The following RBFOX1 variants were observed in gnomAD, a reference collection of about 807,000 sequenced individuals.
The protein encoded by RBFOX1 is RNA binding fox-1 homolog 1.
In RBFOX1, 8 loss-of-function variants were observed where a neutral mutation model predicts 57.7. That is an observed-to-expected ratio of 0.14 (90% CI 0.08 to 0.25). The LOEUF is 0.25. Among genes scored for constraint, RBFOX1 ranks in the 10% least tolerant of loss-of-function variants. RBFOX1 has a pLI of 1.00. For synonymous variants in RBFOX1, 326 were observed against 222.4 expected, an observed-to-expected ratio of 1.47 and a Z score of -4.15; for missense variants, 611 against 548.5, an observed-to-expected ratio of 1.11 and a Z score of -1.14.
intron 1 of RBFOX1, among the ~76,000 whole-genome samples, chr16:5,267,866 G>A (rs1883322609): frequency 6.6e-6 from 1 of 152,124 alleles, no homozygotes; most frequent in African/African-American, 2.4e-5. Context: ...TGGATCACTT[G>A]AGGTCAGGAG....
chr16:6,986,781 C>A lies in RBFOX1; in HGVS notation c.-15-65276C>A, dbSNP rs979373730. 2.6e-5 allele frequency among the ~76,000 whole-genome samples: 4 copies of A among 152,054 alleles called. No individual in the cohort carries two copies. The East Asian group carries it at 5.8e-4, about 22-fold the overall frequency. On this transcript the variant is annotated intron_variant, in intron 3 of 15. Coordinates refer to ENST00000550418, the MANE Select transcript of RBFOX1 (RefSeq NM_018723.4). ...GGATGCCAGTTGCCTCCTCCACTTG[C>A]CTTTAAGAAAATAACTGAACACGCT...
chr16:6,644,478 T>C (rs1198131928), intron 2 of RBFOX1, among the ~76,000 whole-genome samples: 1 of 152,310 alleles, frequency 6.6e-6, no homozygotes, highest in East Asian at 1.9e-4. Flanking sequence ...ATAAGCCGAT[T>C]TGGGCTTGTC....
intron 2 of RBFOX1, among the ~76,000 whole-genome samples, chr16:5,527,717 C>T (rs559186913): frequency 6.6e-6 from 1 of 152,212 alleles, no homozygotes; most frequent in East Asian, 1.9e-4. Context: ...GAGATTTAAG[C>T]CCTCTAAGTA....
At position 6,473,855 on chromosome 16, in the gene RBFOX1, T is replaced by C. The variant is rs140314567; in HGVS notation, c.-64+156798T>C. On this transcript the variant is annotated intron_variant, in intron 2 of 15. Coordinates refer to ENST00000550418, the MANE Select transcript of RBFOX1 (RefSeq NM_018723.4). ...ATCGGTTAAGGTGCACACTTGGCTT[T>C]CTCTGATTGGTCCGAAGTTGGAGGT... Among the ~76,000 whole-genome samples the C allele has an allele frequency of 1.2e-3, 188 of 152,326 alleles. 1 individual carries two copies. The highest frequency in any genetic ancestry group is 4.3e-3 in the African/African-American group (178 of 41,586).
intron 4 of RBFOX1, among the ~76,000 whole-genome samples, chr16:6,009,371 A>G (rs2094946565): frequency 6.6e-6 from 1 of 152,192 alleles, no homozygotes; most frequent in Non-Finnish European, 1.5e-5. Context: ...ACAGGGCTTG[A>G]CTGCCTCCAG....
chr16:6,911,664 A>G (rs191786048), intron 3 of RBFOX1, among the ~76,000 whole-genome samples: 63 of 152,308 alleles, frequency 4.1e-4, no homozygotes, highest in African/African-American at 1.4e-3. Context: ...TTTGGTGGGA[A>G]CAAAGTTCAA....
chr16:5,718,762 G>A (rs764403167), intron 3 of RBFOX1, among the ~76,000 whole-genome samples: 2 of 152,110 alleles, frequency 1.3e-5, no homozygotes, highest in Non-Finnish European at 2.9e-5. Context: ...ACAAAAATTA[G>A]CCGGGGCATA....
At chr16:6,796,900 G>A (rs139950564) in intron 3 of RBFOX1, among the ~76,000 whole-genome samples, 1 of 152,244 alleles carries the variant, frequency 6.6e-6, no homozygotes, top group Non-Finnish European at 1.5e-5. Context: ...ATGTACCTAT[G>A]TCTCCACCCC....
chr16:5,401,610 G>T (rs2151439477), intron 1 of RBFOX1, among the ~76,000 whole-genome samples: 1 of 152,266 alleles, frequency 6.6e-6, no homozygotes, highest in South Asian at 2.1e-4. Context: ...ATTGGGACTG[G>T]CATAAACTAT....
At chr16:6,866,450 A>C (rs11077095) in intron 3 of RBFOX1, among the ~76,000 whole-genome samples, 1 of 150,670 alleles carries the variant, frequency 6.6e-6, no homozygotes, top group African/African-American at 2.4e-5. Flanking sequence ...CTGCATCTTC[A>C]TGTTAAGCAA....
At chr16:5,945,196 C>T (rs1029590551) in intron 4 of RBFOX1, among the ~76,000 whole-genome samples, 2 of 152,022 alleles carry the variant, frequency 1.3e-5, no homozygotes, top group Admixed American at 6.6e-5. Flanking sequence ...TGACCACATG[C>T]CAGGAAGTGA....
intron 3 of RBFOX1, among the ~76,000 whole-genome samples, chr16:6,984,268 C>T (rs1162913820): frequency 6.6e-6 from 1 of 151,978 alleles, no homozygotes; most frequent in East Asian, 1.9e-4. Context: ...TAAAATAATC[C>T]TGGATCCTCC....
At chr16:5,738,096 A>T (rs2052644628) in intron 3 of RBFOX1, among the ~76,000 whole-genome samples, 1 of 151,100 alleles carries the variant, frequency 6.6e-6, no homozygotes, top group Non-Finnish European at 1.5e-5. Flanking sequence ...TATGAGTGAG[A>T]ACATGCAGTG....
At chr16:5,501,479 C>T (rs1421000795) in intron 2 of RBFOX1, among the ~76,000 whole-genome samples, 2 of 152,006 alleles carry the variant, frequency 1.3e-5, no homozygotes, top group Admixed American at 6.6e-5. Flanking sequence ...GGGAGGCAGG[C>T]TGAATCCTGG....
Position 7,074,237 on chromosome 16 carries a change from G to A in RBFOX1, c.27+22139G>A, listed in dbSNP as rs545373733. 6.6e-5 allele frequency among the ~76,000 whole-genome samples: 10 copies of A among 152,336 alleles called. No homozygotes were observed. The East Asian group carries it at 1.9e-3, about 29-fold the overall frequency. ...CTTTGAAATAACTGTTTGAAATATTGTAGGGTTTATAGGAAAAGATGGACA... is the reference window on the plus strand; with the variant it reads ...CTTTGAAATAACTGTTTGAAATATTATAGGGTTTATAGGAAAAGATGGACA... On this transcript the variant is annotated intron_variant, in intron 4 of 15. Coordinates refer to ENST00000550418, the MANE Select transcript of RBFOX1 (RefSeq NM_018723.4).
At chr16:5,366,842 G>C (rs185451864) in intron 1 of RBFOX1, among the ~76,000 whole-genome samples, 29 of 152,278 alleles carry the variant, frequency 1.9e-4, no homozygotes, top group African/African-American at 6.7e-4. Context: ...AGAATGTGTT[G>C]TCCAAAATGC....
At chr16:7,236,879 C>G (rs1014219097) in intron 4 of RBFOX1, among the ~76,000 whole-genome samples, 11 of 152,090 alleles carry the variant, frequency 7.2e-5, no homozygotes, top group Admixed American at 6.5e-4. Flanking sequence ...TTCACCTTCT[C>G]TAGAATGGCT....
At chr16:5,627,565 C>T (rs567038051) in intron 3 of RBFOX1, among the ~76,000 whole-genome samples, 64 of 152,094 alleles carry the variant, frequency 4.2e-4, no homozygotes, top group African/African-American at 3.6e-4. Context: ...AGTAGAGAAG[C>T]GACAACTTTA....
At chr16:6,902,996 C>A (rs1159823267) in intron 3 of RBFOX1, among the ~76,000 whole-genome samples, 1 of 152,138 alleles carries the variant, frequency 6.6e-6, no homozygotes, top group Admixed American at 6.5e-5. Context: ...ACATCAGTCA[C>A]CATGATTGAT....
Sources: gnomAD v4.1 joint callset for allele counts (sites outside exome capture counted in the v4.1 genomes callset) on GRCh38, gnomAD v4.1.1 for gene constraint, MANE v1.5 for transcripts, NCBI Gene and HGNC (gene_info 2026-07-23, HGNC 2026-07-21) for gene names.